Variants in PCDHGA2 observed in about 807,000 individuals in gnomAD.
The protein encoded by PCDHGA2 is protocadherin gamma subfamily A, 2, also known as protocadherin gamma-A2.
PCDHGA2 carries 40 observed loss-of-function variants against 59.2 expected under a neutral mutation model. The ratio of observed to expected loss-of-function variants is 0.68; its 90% CI spans 0.52 to 0.88. The LOEUF is 0.88. PCDHGA2 is among the 40% of genes least tolerant of loss of function. The pLI is 0.00. For synonymous variants in PCDHGA2, 560 were observed against 526.0 expected (o/e 1.06, Z -0.89); for missense variants, 1,226 against 1,204.0 (o/e 1.02, Z -0.27).
intron 1 of PCDHGA2, among the ~76,000 whole-genome samples, chr5:141,453,517 C>A (rs1001603927): frequency 1.3e-5 from 2 of 152,062 alleles, no homozygotes; most frequent in African/African-American, 4.8e-5. Flanking sequence ...TCATTCCTCC[C>A]CTATACCTTC....
intron 1 of PCDHGA2, chr5:141,422,879 T>A: frequency 6.2e-7 from 1 of 1,614,240 alleles, no homozygotes; most frequent in Non-Finnish European, 8.5e-7. Context: ...TCGCTGAGCC[T>A]GTTCGTGCTG....
At position 141,340,482 on chromosome 5, in the gene PCDHGA2, A is replaced by T. The variant is rs776711322; in HGVS notation, c.1511A>T (p.Tyr504Phe). 4.3e-5 allele frequency: 69 copies of T among 1,614,032 alleles called. No individual in the cohort carries two copies. Among genetic ancestry groups the T allele is most frequent in the Non-Finnish European group, 5.3e-5 (63 of 1,180,034 alleles). The stretch of plus-strand genomic sequence containing the variant: ...GTTCAGGGGGCACCCTTATCCTCTT[A>T]CATCTCTATCAACTCCGACACTGGA... ...DTVQGAPLSS[Y>F]ISINSDTGVL... Residue 504 changes from tyrosine to phenylalanine, a missense_variant, in exon 1 of 4, where the codon TAC (tyrosine) becomes TTC (phenylalanine). Tyr to Phe is a conservative substitution (Grantham distance 22). Coordinates refer to ENST00000394576, the MANE Select transcript of PCDHGA2 (RefSeq NM_018915.4).
chr5:141,414,302 A>G (rs2095732200), intron 1 of PCDHGA2: 3 of 1,613,678 alleles, frequency 1.9e-6, no homozygotes, highest in Non-Finnish European at 2.5e-6. Flanking sequence ...TTAAATGTGC[A>G]TGATTTAGAC....
In PCDHGA2 at chr5:141,487,260, C is replaced by T; in HGVS notation, c.2425-7547C>T. 6.2e-7 allele frequency: 1 copy of T among 1,614,116 alleles called. No homozygotes were observed. The highest frequency in any genetic ancestry group is 1.1e-5 in the South Asian group (1 of 91,080). On this transcript the variant is annotated intron_variant, in intron 1 of 3. Coordinates refer to ENST00000394576, the MANE Select transcript of PCDHGA2 (RefSeq NM_018915.4). The surrounding 1 kb of genome is among the most constrained non-coding windows in gnomAD (Gnocchi z 5.0). ...CGTCTAACCCTCTACTTGGCTGTGT[C>T]CCTAGTGGCAATTTGCTTTGTCTCC...
chr5:141,427,956 C>T, intron 1 of PCDHGA2: 1 of 1,587,304 alleles, frequency 6.3e-7, no homozygotes, highest in African/African-American at 1.3e-5. Context: ...TGACAATGTG[C>T]CGCGGGTGCT....
At chr5:141,478,920 C>A (rs559060283) in intron 1 of PCDHGA2, 1 of 728,392 alleles carries the variant, frequency 1.4e-6, no homozygotes. Context: ...ATACCTCTAA[C>A]CAGTGGCAGC....
intron 1 of PCDHGA2, chr5:141,383,199 G>T (rs574670513): frequency 6.2e-7 from 1 of 1,614,040 alleles, no homozygotes; most frequent in South Asian, 1.1e-5. Flanking sequence ...CTCAGAGTGC[G>T]CGGTGTCTGG....
intron 1 of PCDHGA2, chr5:141,366,133 C>T (rs777240886): frequency 1.9e-6 from 3 of 1,614,216 alleles, no homozygotes; most frequent in Non-Finnish European, 2.5e-6. Context: ...CAGGCCAGAA[C>T]GCCTGGCTGT....
rs1045001776 is a variant in PCDHGA2 at position 141,356,756 on chromosome 5, C to T, written c.2424+15361C>T. 3.1e-6 allele frequency: 5 copies of T among 1,613,976 alleles called. No homozygotes were observed. In the South Asian group the frequency reaches 4.4e-5, roughly 14 times the overall value. On this transcript the variant is annotated intron_variant, in intron 1 of 3. Coordinates refer to ENST00000394576, the MANE Select transcript of PCDHGA2 (RefSeq NM_018915.4). ...ACAGGGATCCTATATGCTCTTTGCT[C>T]CTTCGACTATGAGCAGTTTAGAGAC...
intron 1 of PCDHGA2, among the ~76,000 whole-genome samples, chr5:141,457,067 G>A (rs946526462): frequency 1.3e-5 from 2 of 152,166 alleles, no homozygotes; most frequent in Non-Finnish European, 2.9e-5. Flanking sequence ...CTTTTTGCCA[G>A]TAACTATTAT....
intron 1 of PCDHGA2, chr5:141,414,273 G>A: frequency 6.2e-7 from 1 of 1,613,418 alleles, no homozygotes; most frequent in Non-Finnish European, 8.5e-7. Flanking sequence ...ATTCACCTCT[G>A]GGAACAGTCG....
chr5:141,340,953 C>T lies in PCDHGA2; in HGVS notation c.1982C>T (p.Thr661Ile). Residue 661 changes from threonine (T) to isoleucine (I), a missense_variant, in exon 1 of 4, where the codon ACC (threonine) becomes ATC (isoleucine). By Grantham distance (89) the Thr-to-Ile change is moderately conservative. Transcript: ENST00000394576. The stretch of plus-strand genomic sequence containing the variant: ...CCTCTCTCCGCCACTGTCACGCTCA[C>T]CGTGGCCGTGGCCGACAGGATCCCC... ...QPPLSATVTLTVAVADRIPDI... is the reference protein window; with the variant it reads ...QPPLSATVTLIVAVADRIPDI... 1.2e-6 allele frequency: 2 copies of T among 1,612,208 alleles called. No individual in the cohort carries two copies. The highest frequency in any genetic ancestry group is 1.7e-6 in the Non-Finnish European group (2 of 1,178,374).
At chr5:141,355,466 G>T (rs1561508995) in intron 1 of PCDHGA2, 1 of 1,614,094 alleles carries the variant, frequency 6.2e-7, no homozygotes, top group Admixed American at 1.7e-5. Context: ...ACCGCGGGTA[G>T]GATAGACAGG....
intron 1 of PCDHGA2, chr5:141,390,929 T>C (rs1296144036): frequency 1.3e-5 from 2 of 152,314 alleles, no homozygotes; most frequent in African/African-American, 4.8e-5. Context: ...ACTATGCTCA[T>C]TAGAAGATCA....
Position 141,340,995 on chromosome 5 carries a change from T to G in PCDHGA2, c.2024T>G (p.Leu675Arg). 2 of 1,614,088 alleles carry G rather than the reference T, an allele frequency of 1.2e-6. No individual in the cohort carries two copies. The highest frequency in any genetic ancestry group is 1.7e-6 in the Non-Finnish European group (2 of 1,179,978). ...AGGATCCCCGACATCCTGGCCGACC[T>G]GGGCAGCCTCGAGCCCTCCGCCATA... ...ADRIPDILADLGSLEPSAIPN... is the reference protein window; with the variant it reads ...ADRIPDILADRGSLEPSAIPN... The change falls in exon 1 of 4, where the codon CTG becomes CGG. Residue 675 changes from leucine to arginine, a missense_variant. Coordinates refer to ENST00000394576, the MANE Select transcript of PCDHGA2 (RefSeq NM_018915.4).
At chr5:141,422,777 C>T in intron 1 of PCDHGA2, 1 of 1,613,982 alleles carries the variant, frequency 6.2e-7, no homozygotes, top group Non-Finnish European at 8.5e-7. Context: ...GTTCTCTATG[C>T]CCTACAATCC....
chr5:141,385,348 C>T, intron 1 of PCDHGA2: 1 of 1,557,574 alleles, frequency 6.4e-7, no homozygotes. Context: ...TCCTTTATTT[C>T]CATGAGGAAT....
At chr5:141,399,309 C>G (rs2093783867) in intron 1 of PCDHGA2, 1 of 1,613,902 alleles carries the variant, frequency 6.2e-7, no homozygotes, top group Non-Finnish European at 8.5e-7. Context: ...TCTCTTCATC[C>G]AAAAATTCGT....
At chr5:141,421,824 A>G in intron 1 of PCDHGA2, 1 of 1,613,768 alleles carries the variant, frequency 6.2e-7, no homozygotes, top group Non-Finnish European at 8.5e-7. Flanking sequence ...TACTGGAGGG[A>G]AGCCTGGACC....
Sources: allele counts gnomAD v4.1 joint callset (sites outside exome capture counted in the v4.1 genomes callset), GRCh38; gene constraint gnomAD v4.1.1; non-coding constraint Gnocchi (gnomAD v3.1); transcripts MANE v1.5; gene names NCBI Gene and HGNC (gene_info 2026-07-23, HGNC 2026-07-21).